Variants in ZBTB10 observed in about 807,000 individuals in gnomAD.
ZBTB10 encodes the protein zinc finger and BTB domain containing 10, also known as zinc finger and BTB domain-containing protein 10.
Under a neutral mutation model 76.4 loss-of-function variants are expected in ZBTB10, and 32 were observed. The observed-to-expected ratio is 0.42, with a 90% confidence interval of 0.32 to 0.56. The LOEUF is 0.56. ZBTB10 is among the 20% of genes least tolerant of loss of function. The pLI is 0.14. For missense variants in ZBTB10, 1,057 were observed against 1,098.5 expected (o/e 0.96, Z 0.53); for synonymous variants, 523 against 432.9 (o/e 1.21, Z -2.58).
Position 80,486,713 on chromosome 8 carries a change from G to C in ZBTB10, c.-98G>C, listed in dbSNP as rs1167225425. The C allele has an allele frequency of 1.0e-6, 1 of 999,762 alleles. No homozygotes were observed. The highest frequency in any genetic ancestry group is 4.5e-5 in the South Asian group (1 of 22,272). 61.9% of individuals were successfully genotyped at this position (999,762 alleles called of 1,614,324 possible). On this transcript the variant is annotated 5_prime_UTR_variant, in exon 1 of 6. Transcript: ENST00000455036. ...CCGCGAGACCGGAACGCCGGGGGCG[G>C]GGGCGAGACAGAGGGGGAGCCGCGG...
At position 80,486,422 on chromosome 8, in the gene ZBTB10, G is replaced by A; in HGVS notation, c.-389G>A. The A allele has an allele frequency of 4.1e-6, 4 of 983,874 alleles. No homozygotes were observed. The highest frequency in any genetic ancestry group is 4.8e-6 in the Non-Finnish European group (4 of 829,576). The allele number at this position is 983,874 out of a possible 1,614,324, so 60.9% of individuals were successfully genotyped here. A position where few individuals can be genotyped will look rare whatever the true frequency, so the allele number is the denominator to read the frequency against. On this transcript the variant is annotated 5_prime_UTR_variant, in exon 1 of 6. Transcript: ENST00000455036. ...GTGGAGGATCGGTGTGTGCGCGCGC[G>A]GCTTTAAAGAGGGGGCAGCGGAGGG...
intron 2 of ZBTB10, among the ~76,000 whole-genome samples, chr8:80,507,181 G>A (rs1057303466): frequency 3.3e-4 from 50 of 151,902 alleles, no homozygotes; most frequent in Non-Finnish European, 5.0e-4. Flanking sequence ...GGTGGCGCGC[G>A]CCTGTAATCC....
Position 80,525,722 on chromosome 8 carries a change from T to G in ZBTB10, c.*6194T>G, listed in dbSNP as rs151336422. ...AACTCATTCAATAAATACTTGAGAT[T>G]AGGGATAAGTTTGAAGTTAGAAGAT... is the stretch of plus-strand genomic sequence containing the variant. On this transcript the variant is annotated 3_prime_UTR_variant, in exon 6 of 6. Coordinates refer to ENST00000455036, the MANE Select transcript of ZBTB10 (RefSeq NM_001105539.3). The G allele has an allele frequency of 6.6e-6, 1 of 152,284 alleles. No individual in the cohort carries two copies. Among genetic ancestry groups the G allele is most frequent in the East Asian group, 1.9e-4 (1 of 5,188 alleles). The allele number at this position is 152,284 out of a possible 1,614,324, so 9.4% of individuals were successfully genotyped here.
At chr8:80,488,152 G>A (rs1033242303) in intron 1 of ZBTB10, among the ~76,000 whole-genome samples, 6 of 152,320 alleles carry the variant, frequency 3.9e-5, no homozygotes, top group African/African-American at 1.4e-4. Flanking sequence ...TAGAGAAGCT[G>A]GTCTATGCTC....
intron 3 of ZBTB10, among the ~76,000 whole-genome samples, chr8:80,515,637 T>C (rs1736325831): frequency 6.6e-6 from 1 of 152,246 alleles, no homozygotes; most frequent in African/African-American, 2.4e-5. Flanking sequence ...TTTGAATTCA[T>C]ATGTAAAATT....
chr8:80,508,277 A>G (rs1183703059), intron 2 of ZBTB10, among the ~76,000 whole-genome samples: 2 of 152,178 alleles, frequency 1.3e-5, no homozygotes, highest in African/African-American at 4.8e-5. Flanking sequence ...ATAGAACTGA[A>G]TTTTTGGTTT....
rs1044594819 is a variant in ZBTB10, at chr8:80,522,096, TCGA to T, written c.*2569_*2571del. The T allele has an allele frequency of 2.0e-5, 3 of 151,962 alleles. No individual in the cohort carries two copies. Among genetic ancestry groups the T allele is most frequent in the African/African-American group, 7.2e-5 (3 of 41,440 alleles). The allele number at this position is 151,962 out of a possible 1,614,324, so 9.4% of individuals were successfully genotyped here. A position where few individuals can be genotyped will look rare whatever the true frequency, so the allele number is the denominator to read the frequency against. On this transcript the variant is annotated 3_prime_UTR_variant, in exon 6 of 6. Coordinates refer to ENST00000455036, the MANE Select transcript of ZBTB10 (RefSeq NM_001105539.3). ...GCCTAACTTATTTTGTTTCATGATC[TCGA>T]GGGACTGCCTTTTCCCATCTAGATC...
Position 80,517,144 on chromosome 8 carries a change from G to C in ZBTB10, c.1961-1259G>C, listed in dbSNP as rs566883863. 5.3e-5 allele frequency among the ~76,000 whole-genome samples: 8 copies of C among 152,312 alleles called. No homozygotes were observed. In the South Asian group the frequency reaches 1.5e-3, roughly 28 times the overall value. ...CTAGCTTTTACTGTGAGGGTGGGTA[G>C]TCTTTGCAGCCTTGTAAGCTGAGTG... On this transcript the variant is annotated intron_variant, in intron 3 of 5. Transcript: ENST00000455036.
chr8:80,485,866 CGTCCCG>C, upstream of ZBTB10: 4 of 1,535,710 alleles, frequency 2.6e-6, no homozygotes, highest in Non-Finnish European at 3.5e-6. Context: ...GGAAAATGCG[CGTCCCG>C]GGCGCGGGTA....
At chr8:80,506,883 G>A (rs1431614077) in intron 2 of ZBTB10, among the ~76,000 whole-genome samples, 4 of 151,304 alleles carry the variant, frequency 2.6e-5, no homozygotes, top group Non-Finnish European at 4.4e-5. Flanking sequence ...ATGCTATGAA[G>A]GATGAGATGC....
At chr8:80,500,990 C>A (rs1423738182) in intron 2 of ZBTB10, among the ~76,000 whole-genome samples, 1 of 152,174 alleles carries the variant, frequency 6.6e-6, no homozygotes, top group Admixed American at 6.5e-5. Flanking sequence ...CCTCAGCCTC[C>A]TGAGTAGCTG....
chr8:80,508,795 C>CTA (rs1357512350), intron 2 of ZBTB10, among the ~76,000 whole-genome samples: 2 of 152,144 alleles, frequency 1.3e-5, no homozygotes, highest in Admixed American at 6.5e-5. Flanking sequence ...ACTACCTTGT[C>CTA]TATAGGTATA....
chr8:80,489,760 A>G (rs552841755), intron 1 of ZBTB10, among the ~76,000 whole-genome samples: 53 of 152,256 alleles, frequency 3.5e-4, no homozygotes, highest in Admixed American at 1.2e-3. Flanking sequence ...TCTGCAGGCC[A>G]TCTCCTTTCT....
chr8:80,494,087 C>T (rs553211725), intron 1 of ZBTB10, among the ~76,000 whole-genome samples: 25 of 152,190 alleles, frequency 1.6e-4, no homozygotes, highest in Admixed American at 8.5e-4. Context: ...TGAATTTGTT[C>T]TAAAATTTGG....
chr8:80,493,368 A>G (rs1301048729), intron 1 of ZBTB10, among the ~76,000 whole-genome samples: 7 of 152,202 alleles, frequency 4.6e-5, no homozygotes, highest in Non-Finnish European at 7.3e-5. Context: ...TGCTGAAAAC[A>G]TTAAATTTTA....
chr8:80,486,972 G>A lies in ZBTB10; in HGVS notation c.162G>A (p.Ala54=), dbSNP rs749535596. 3.3e-6 allele frequency: 5 copies of A among 1,512,786 alleles called. No homozygotes were observed. The highest frequency in any genetic ancestry group is 4.4e-6 in the Non-Finnish European group (5 of 1,135,476). The allele number at this position is 1,512,786 out of a possible 1,614,324, so 93.7% of individuals were successfully genotyped here. Residue 54 remains alanine (A), a synonymous_variant, in exon 1 of 6, where the codon GCG becomes GCA. Coordinates refer to ENST00000455036, the MANE Select transcript of ZBTB10 (RefSeq NM_001105539.3). ...PRQPPPPAPP[A]LQPPNGRGAD... is the part of the protein sequence containing the mutation. ...AGCCCCCGCCGCCAGCGCCGCCCGC[G>A]CTTCAGCCGCCTAATGGGCGGGGGG... is the stretch of plus-strand genomic sequence containing the variant.
chr8:80,500,064 A>G lies in ZBTB10; in HGVS notation c.1543A>G (p.Lys515Glu). The change falls in exon 2 of 6, where the codon AAG becomes GAG. Residue 515 changes from lysine to glutamate, a missense_variant. Physicochemically the swap from Lys to Glu is moderately conservative, Grantham distance 56. This residue lies in a region of ZBTB10 where 306 missense variants were observed against 297.5 expected (regional missense o/e 1.03). Coordinates refer to ENST00000455036, the MANE Select transcript of ZBTB10 (RefSeq NM_001105539.3). ...RNLTNLASNVKIENDGCNVDE... is the reference protein window; with the variant it reads ...RNLTNLASNVEIENDGCNVDE... Reference sequence around the variant, plus strand: ...TCTTACCAATTTGGCAAGTAATGTAAAGATTGAAAATGATGGTTGTAATGT... The same window carrying G: ...TCTTACCAATTTGGCAAGTAATGTAGAGATTGAAAATGATGGTTGTAATGT... 1 of 1,613,984 alleles carries G rather than the reference A, an allele frequency of 6.2e-7. No homozygotes were observed. The highest frequency in any genetic ancestry group is 1.1e-5 in the South Asian group (1 of 91,080).
chr8:80,504,373 C>A (rs1207403022), intron 2 of ZBTB10, among the ~76,000 whole-genome samples: 1 of 152,180 alleles, frequency 6.6e-6, no homozygotes, highest in Non-Finnish European at 1.5e-5. Context: ...CTCAGGTCTT[C>A]AGCACAGAGT....
Position 80,487,039 on chromosome 8 carries a change from C to G in ZBTB10, c.229C>G (p.Leu77Val), listed in dbSNP as rs1201205285. ...ATTGGAGGGCCTGGAGCCCCAAGAC[C>G]TGGAGGCCTCCGCCGGGCCGGCCGC... is the stretch of plus-strand genomic sequence containing the variant. ...VELEGLEPQD[L>V]EASAGPAAGA... The change falls in exon 1 of 6, where the codon CTG becomes GTG. Residue 77 changes from leucine (L) to valine (V), a missense_variant. Transcript: ENST00000455036. 4 of 1,519,994 alleles carry G rather than the reference C, an allele frequency of 2.6e-6. No homozygotes were observed. Among genetic ancestry groups the G allele is most frequent in the African/African-American group, 1.4e-5 (1 of 69,826 alleles). The allele number at this position is 1,519,994 out of a possible 1,614,324, so 94.2% of individuals were successfully genotyped here. A position where few individuals can be genotyped will look rare whatever the true frequency, so the allele number is the denominator to read the frequency against.
Sources: allele counts gnomAD v4.1 joint callset (sites outside exome capture counted in the v4.1 genomes callset), GRCh38; gene constraint gnomAD v4.1.1; regional missense constraint gnomAD v4.1.1; transcripts MANE v1.5; gene names NCBI Gene and HGNC (gene_info 2026-07-23, HGNC 2026-07-21).